NBAS: variants seen among roughly 807,000 people sequenced by gnomAD.
NBAS encodes NBAS subunit of NRZ tethering complex.
NBAS carries 219 observed loss-of-function variants against 302.5 expected under a neutral mutation model. The observed-to-expected ratio is 0.72, with a 90% CI of 0.65 to 0.81. The LOEUF (loss-of-function observed/expected upper bound fraction) is 0.81, where lower values mean the gene tolerates loss of function less well. NBAS is among the 30% of genes least tolerant of loss of function. The pLI, the probability that NBAS is intolerant of heterozygous loss-of-function variation, is 0.00. For missense variants in NBAS, 2,932 were observed against 2,841.6 expected, an observed-to-expected ratio of 1.03 and a Z score of -0.72; for synonymous variants, 1,118 against 1,021.6, an observed-to-expected ratio of 1.09 and a Z score of -1.80.
the NBAS span, among the ~76,000 whole-genome samples, chr2:14,946,215 C>T: frequency 6.6e-6 from 1 of 151,982 alleles, no homozygotes; most frequent in African/African-American, 2.4e-5. Context: ...GATAAATATC[C>T]AGGGACAGGA....
At chr2:15,243,473 G>C (rs1282287528) in intron 44 of NBAS, among the ~76,000 whole-genome samples, 3 of 151,854 alleles carry the variant, frequency 2.0e-5, no homozygotes, top group Admixed American at 2.0e-4. Context: ...AGGTGCATGA[G>C]AGACTATCTA....
At chr2:15,128,590 G>A in the NBAS span, among the ~76,000 whole-genome samples, 1 of 152,196 alleles carries the variant, frequency 6.6e-6, no homozygotes, top group African/African-American at 2.4e-5. Context: ...GGAGATCAGG[G>A]TGTGCCTTAT....
chr2:15,360,499 C>T (rs1398228977), intron 32 of NBAS, among the ~76,000 whole-genome samples: 4 of 151,968 alleles, frequency 2.6e-5, no homozygotes, highest in Non-Finnish European at 4.4e-5. Flanking sequence ...GCATGCATCA[C>T]CACACCCAGG....
the NBAS span, among the ~76,000 whole-genome samples, chr2:14,851,349 C>T: frequency 9.9e-5 from 15 of 151,816 alleles, no homozygotes; most frequent in African/African-American, 2.2e-4. Flanking sequence ...ATACATTCCT[C>T]GACACATACA....
At chr2:15,376,944 G>C (rs1674772641) in intron 30 of NBAS, among the ~76,000 whole-genome samples, 1 of 151,788 alleles carries the variant, frequency 6.6e-6, no homozygotes, top group African/African-American at 2.4e-5. Flanking sequence ...TCCAAATAAA[G>C]ATAAAACTGA....
At chr2:15,480,313 C>A (rs983336979) in intron 12 of NBAS, among the ~76,000 whole-genome samples, 1 of 151,720 alleles carries the variant, frequency 6.6e-6, no homozygotes, top group African/African-American at 2.4e-5. Context: ...CACACTCCAG[C>A]CTGGGCAACA....
chr2:15,133,261 C>G, the NBAS span, among the ~76,000 whole-genome samples: 17 of 151,656 alleles, frequency 1.1e-4, no homozygotes, highest in Admixed American at 3.3e-4. Flanking sequence ...CTGTTGACTC[C>G]TAGACGTACA....
intron 44 of NBAS, among the ~76,000 whole-genome samples, chr2:15,241,795 CT>C (rs1222722741): frequency 6.6e-6 from 1 of 151,942 alleles, no homozygotes; most frequent in East Asian, 1.9e-4. Context: ...TTAGAAAAAC[CT>C]TTTTTTTAAA....
chr2:15,171,836 C>G (rs758686302), intron 51 of NBAS, among the ~76,000 whole-genome samples: 5 of 152,234 alleles, frequency 3.3e-5, no homozygotes, highest in Non-Finnish European at 5.9e-5. Context: ...AAGCAAGGGT[C>G]AGCCATGTGA....
chr2:14,931,483 T>A, the NBAS span, among the ~76,000 whole-genome samples: 1 of 152,144 alleles, frequency 6.6e-6, no homozygotes, highest in Non-Finnish European at 1.5e-5. Flanking sequence ...CTGCACCACA[T>A]GTTCATGTAA....
chr2:14,909,916 T>C, the NBAS span, among the ~76,000 whole-genome samples: 1,485 of 152,284 alleles, frequency 9.8e-3, 29 homozygotes, highest in African/African-American at 0.034. Flanking sequence ...GTTAACTTAT[T>C]CCAAAATTGA....
chr2:15,220,407 A>G (rs1195275156), intron 47 of NBAS, among the ~76,000 whole-genome samples: 2 of 152,234 alleles, frequency 1.3e-5, no homozygotes, highest in Non-Finnish European at 2.9e-5. Flanking sequence ...CAAATGAATA[A>G]TAGTGCTGTA....
At chr2:15,107,473 A>G in the NBAS span, among the ~76,000 whole-genome samples, 5 of 152,098 alleles carry the variant, frequency 3.3e-5, no homozygotes, top group Non-Finnish European at 4.4e-5. Context: ...TGAAAGTTGG[A>G]AGCTGGCTAG....
intron 11 of NBAS, among the ~76,000 whole-genome samples, chr2:15,497,416 ATACTGG>A (rs1208532975): frequency 3.9e-5 from 6 of 152,184 alleles, no homozygotes; most frequent in African/African-American, 1.4e-4. Context: ...TCTGAAGATG[ATACTGG>A]TAGCAAAGGT....
At chr2:15,159,240 G>T in the NBAS span, among the ~76,000 whole-genome samples, 1 of 152,198 alleles carries the variant, frequency 6.6e-6, no homozygotes, top group African/African-American at 2.4e-5. Context: ...GCGTTCACCA[G>T]TTCAGATGTC....
At chr2:14,884,632 T>C in the NBAS span, among the ~76,000 whole-genome samples, 1 of 152,304 alleles carries the variant, frequency 6.6e-6, no homozygotes, top group Admixed American at 6.5e-5. Context: ...CATGCCCTAA[T>C]CTAGCACTGA....
chr2:15,558,309 C>T (rs1401118561), intron 2 of NBAS, among the ~76,000 whole-genome samples: 4 of 152,130 alleles, frequency 2.6e-5, no homozygotes, highest in Admixed American at 6.5e-5. Context: ...CAGTCCATGG[C>T]CCAGGAATTG....
the NBAS span, among the ~76,000 whole-genome samples, chr2:14,811,110 AAAG>A: frequency 9.3e-4 from 141 of 152,300 alleles, 2 homozygotes; most frequent in South Asian, 0.019. Flanking sequence ...CAGGAAAATA[AAAG>A]AATAAGGTTT....
intron 38 of NBAS, among the ~76,000 whole-genome samples, chr2:15,320,490 T>C (rs749275658): frequency 6.6e-6 from 1 of 152,158 alleles, no homozygotes; most frequent in Non-Finnish European, 1.5e-5. Context: ...ATCGTATATT[T>C]AGAAAACCCA....
Sources: gnomAD v4.1 joint callset for allele counts (sites outside exome capture counted in the v4.1 genomes callset) on GRCh38, gnomAD v4.1.1 for gene constraint, MANE v1.5 for transcripts, NCBI Gene and HGNC (gene_info 2026-07-23, HGNC 2026-07-21) for gene names.